Variants in XKR3 observed in about 807,000 individuals in gnomAD.
XKR3 encodes the protein XK related 3, also known as XK-related protein 3.
Under a neutral mutation model 40.3 loss-of-function variants are expected in XKR3, and 27 were observed. That is an observed-to-expected ratio of 0.67 (90% CI 0.49 to 0.92). The LOEUF (loss-of-function observed/expected upper bound fraction) is 0.92, where lower values mean the gene tolerates loss of function less well. XKR3 is among the 40% of genes least tolerant of loss of function. XKR3 has a pLI of 0.00. For missense variants in XKR3, 472 were observed against 537.6 expected (o/e 0.88, Z 1.21); for synonymous variants, 193 against 195.4 (o/e 0.99, Z 0.10).
intron 1 of XKR3, among the ~76,000 whole-genome samples, chr22:16,814,175 G>GA (rs1394667165): frequency 1.3e-5 from 2 of 152,092 alleles, no homozygotes; most frequent in Non-Finnish European, 2.9e-5. Flanking sequence ...TTCAGCTCCT[G>GA]AATTTAGGTT....
intron 1 of XKR3, among the ~76,000 whole-genome samples, chr22:16,816,833 A>G (rs987582974): frequency 6.6e-6 from 1 of 151,966 alleles, no homozygotes; most frequent in African/African-American, 2.4e-5. Context: ...TCTTTCATGT[A>G]TGGTCATCAG....
At chr22:16,792,487 T>C (rs2060124499) in intron 3 of XKR3, among the ~76,000 whole-genome samples, 1 of 152,212 alleles carries the variant, frequency 6.6e-6, no homozygotes, top group African/African-American at 2.4e-5. Context: ...TGGGATATGG[T>C]TGTGGTTGTA....
intron 3 of XKR3, among the ~76,000 whole-genome samples, chr22:16,789,802 T>C (rs1601839612): frequency 1.3e-5 from 2 of 152,184 alleles, no homozygotes; most frequent in Admixed American, 6.5e-5. Flanking sequence ...CAACTGAGTA[T>C]AGTGAGCACA....
At chr22:16,824,080 A>C (rs2060265783) in intron 1 of XKR3, among the ~76,000 whole-genome samples, 1 of 152,062 alleles carries the variant, frequency 6.6e-6, no homozygotes, top group Admixed American at 6.5e-5. Flanking sequence ...AAGCAATATG[A>C]AACAGTCTTC....
intron 3 of XKR3, among the ~76,000 whole-genome samples, chr22:16,795,512 A>AC (rs1412640228): frequency 4.6e-5 from 7 of 152,152 alleles, no homozygotes; most frequent in African/African-American, 1.7e-4. Flanking sequence ...GGGAGGGGGA[A>AC]CCAACACCAA....
rs774807723 is a variant in XKR3, at chr22:16,807,746, T to C, written c.328A>G (p.Ile110Val). The change falls in exon 2 of 4, where the codon ATT becomes GTT. Residue 110 changes from isoleucine to valine, a missense_variant. Coordinates refer to ENST00000684488, the MANE Select transcript of XKR3 (RefSeq NM_001386955.1). ...LFWHILLLGPIVRCLHTIRNY... is the reference protein window; with the variant it reads ...LFWHILLLGPVVRCLHTIRNY... ...AATATTTGTGTCACTTACCTCACAA[T>C]AGGTCCTAAAAGAAGAATGTGCCAA... The C allele has an allele frequency of 1.3e-6, 2 of 1,595,776 alleles. No individual in the cohort carries two copies.
chr22:16,809,754 T>A (rs551956695), intron 1 of XKR3, among the ~76,000 whole-genome samples: 33 of 152,294 alleles, frequency 2.2e-4, no homozygotes, highest in Non-Finnish European at 3.7e-4. Flanking sequence ...AGTTTTTTTT[T>A]AAATTCCTAT....
rs1398787318 is a variant in XKR3, at chr22:16,825,355, C to CT, written c.-76dup. 6.6e-6 allele frequency among the ~76,000 whole-genome samples: 1 copy of CT among 152,234 alleles called. No individual in the cohort carries two copies. Among genetic ancestry groups the CT allele is most frequent in the Non-Finnish European group, 1.5e-5 (1 of 68,040 alleles). ...AAAAAGTAAATGCTTTTGTTCACCT[C>CT]TTTAACAGCACCATTTCTGGTCTCG... On this transcript the variant is annotated 5_prime_UTR_variant, in exon 1 of 4. It removes the in-frame stop codon of an upstream open reading frame in the 5' UTR. Coordinates refer to ENST00000684488, the MANE Select transcript of XKR3 (RefSeq NM_001386955.1).
intron 1 of XKR3, among the ~76,000 whole-genome samples, chr22:16,818,498 G>A (rs1015866903): frequency 1.3e-5 from 2 of 152,044 alleles, no homozygotes; most frequent in Non-Finnish European, 2.9e-5. Flanking sequence ...CTGTTCTCTC[G>A]CAGCCCAAGG....
intron 1 of XKR3, among the ~76,000 whole-genome samples, chr22:16,816,637 A>G (rs1466366869): frequency 6.6e-6 from 1 of 151,928 alleles, no homozygotes; most frequent in Non-Finnish European, 1.5e-5. Context: ...AGTCTTTAAT[A>G]TTTGCTTAAT....
In XKR3 at chr22:16,784,645, C is replaced by T. The variant is rs766087488; in HGVS notation, c.590-236G>A. Among the ~76,000 whole-genome samples, 1,498 of 152,186 alleles carry T rather than the reference C, an allele frequency of 9.8e-3. 17 individuals carry two copies. Among genetic ancestry groups the T allele is most frequent in the Middle Eastern group, 0.02 (6 of 294 alleles). On this transcript the variant is annotated intron_variant, in intron 3 of 3. Transcript: ENST00000684488. ...AAATAATAAGCAAATACATACATAT[C>T]TACATTTATACATGTATATACACAT...
chr22:16,787,291 G>T (rs1442535058), intron 3 of XKR3, among the ~76,000 whole-genome samples: 1 of 152,110 alleles, frequency 6.6e-6, no homozygotes, highest in African/African-American at 2.4e-5. Context: ...GGGTGCAATG[G>T]CTCACACCTG....
Position 16,784,022 on chromosome 22 carries a change from T to A in XKR3, c.977A>T (p.Lys326Ile). 6.2e-7 allele frequency: 1 copy of A among 1,614,256 alleles called. No homozygotes were observed. Among genetic ancestry groups the A allele is most frequent in the Non-Finnish European group, 8.5e-7 (1 of 1,180,048 alleles). Residue 326 changes from lysine (K) to isoleucine (I), a missense_variant, in exon 4 of 4, where the codon AAA becomes ATA. By Grantham distance (102) the Lys-to-Ile change is moderately radical. Transcript: ENST00000684488. Reference protein sequence around the residue: ...AINFSCWSAVKLQLSDDKIID... With the variant: ...AINFSCWSAVILQLSDDKIID... The stretch of plus-strand genomic sequence containing the variant: ...TATTTTGTCATCTGACAACTGCAGT[T>A]TCACTGCTGACCAGCAGGAGAAGTT...
At chr22:16,798,035 C>G (rs548108016) in intron 3 of XKR3, among the ~76,000 whole-genome samples, 1 of 151,588 alleles carries the variant, frequency 6.6e-6, no homozygotes, top group Admixed American at 6.6e-5. Flanking sequence ...TCAAAATTAG[C>G]TGGGCATGTT....
intron 1 of XKR3, among the ~76,000 whole-genome samples, chr22:16,816,282 C>A (rs950660762): frequency 1.3e-5 from 2 of 150,906 alleles, no homozygotes; most frequent in African/African-American, 2.4e-5. Context: ...TACCCTGAAC[C>A]TTTTTTTCTA....
chr22:16,819,759 A>T (rs1305177678), intron 1 of XKR3, among the ~76,000 whole-genome samples: 2 of 152,198 alleles, frequency 1.3e-5, no homozygotes, highest in Non-Finnish European at 2.9e-5. Flanking sequence ...AATCTGATAA[A>T]TTAGATCAAA....
rs183667204 is a variant in XKR3 at position 16,799,842 on chromosome 22, A to T, written c.518T>A (p.Leu173His). 2.5e-6 allele frequency: 4 copies of T among 1,614,176 alleles called. No individual in the cohort carries two copies. In the East Asian group the frequency reaches 8.9e-5, roughly 36 times the overall value. The change falls in exon 3 of 4, where the codon CTC becomes CAC. Residue 173 changes from leucine to histidine, a missense_variant. Physicochemically the swap from Leu to His is moderately conservative, Grantham distance 99. Transcript: ENST00000684488. ...FKYMSVIQAF[L>H]GSVPQLILQM... ...CAAAATTAATTGTGGAACAGAACCG[A>T]GAAAAGCCTGAATCACTGACATGTA...
intron 2 of XKR3, among the ~76,000 whole-genome samples, chr22:16,800,918 C>G (rs982424886): frequency 1.3e-5 from 2 of 151,996 alleles, no homozygotes; most frequent in African/African-American, 4.8e-5. Context: ...AAAGAACCAA[C>G]AGAATCTCTA....
chr22:16,807,768 C>A lies in XKR3; in HGVS notation c.306G>T (p.Trp102Cys). Residue 102 changes from tryptophan to cysteine, a missense_variant, in exon 2 of 4, where the codon TGG becomes TGT. Physicochemically the swap from Trp to Cys is radical, Grantham distance 215. Coordinates refer to ENST00000684488, the MANE Select transcript of XKR3 (RefSeq NM_001386955.1). ...CAATAGGTCCTAAAAGAAGAATGTGCCAAAAAAGTAATGCAGCCTTATTTC... is the reference window on the plus strand; with the variant it reads ...CAATAGGTCCTAAAAGAAGAATGTGACAAAAAAGTAATGCAGCCTTATTTC... ...LRRNKAALLF[W>C]HILLLGPIVR... The A allele has an allele frequency of 6.2e-7, 1 of 1,607,194 alleles. No homozygotes were observed. Among genetic ancestry groups the A allele is most frequent in the South Asian group, 1.1e-5 (1 of 90,390 alleles).
Sources: gnomAD v4.1 joint callset for allele counts (sites outside exome capture counted in the v4.1 genomes callset) on GRCh38, gnomAD v4.1.1 for gene constraint, MANE v1.5 for transcripts, NCBI Gene and HGNC (gene_info 2026-07-23, HGNC 2026-07-21) for gene names.